The following CSMD1 variants were observed in gnomAD, a reference collection of about 807,000 sequenced individuals.
The protein encoded by CSMD1 is CUB and Sushi multiple domains 1.
Under a neutral mutation model 417.5 loss-of-function variants are expected in CSMD1, and 213 were observed. That is an observed-to-expected ratio of 0.51 (90% confidence interval 0.46 to 0.57). The LOEUF (loss-of-function observed/expected upper bound fraction) is 0.57, where lower values mean the gene tolerates loss of function less well. CSMD1 is among the 20% of genes least tolerant of loss of function. CSMD1 has a pLI of 0.00. For missense variants in CSMD1, 6,923 were observed against 4,529.7 expected (o/e 1.53, Z -15.17); for synonymous variants, 2,862 against 1,736.8 (o/e 1.65, Z -16.11).
At chr8:4,042,335 G>A (rs1023141572) in intron 3 of CSMD1, among the ~76,000 whole-genome samples, 2 of 152,236 alleles carry the variant, frequency 1.3e-5, no homozygotes, top group African/African-American at 2.4e-5. Flanking sequence ...AGATAAAGGG[G>A]CCAGGTGATG....
intron 2 of CSMD1, among the ~76,000 whole-genome samples, chr8:4,493,408 A>G (rs1310127786): frequency 6.6e-6 from 1 of 152,146 alleles, no homozygotes; most frequent in African/African-American, 2.4e-5. Context: ...TTCTAAAGCT[A>G]CTGATGGTCG....
At chr8:4,357,487 G>A (rs937779032) in intron 3 of CSMD1, among the ~76,000 whole-genome samples, 1 of 151,960 alleles carries the variant, frequency 6.6e-6, no homozygotes. Flanking sequence ...CACCAACATG[G>A]CATTACTTTA....
intron 27 of CSMD1, among the ~76,000 whole-genome samples, chr8:3,229,688 T>C (rs1461019843): frequency 2.6e-5 from 4 of 152,194 alleles, no homozygotes; most frequent in Non-Finnish European, 4.4e-5. Flanking sequence ...CTTAAGGGCA[T>C]GTTTCTATAT....
chr8:4,058,641 C>G (rs1415617452), intron 3 of CSMD1, among the ~76,000 whole-genome samples: 1 of 149,322 alleles, frequency 6.7e-6, no homozygotes, highest in African/African-American at 2.5e-5. Context: ...GGGTTGCAAT[C>G]CTAGTCTCTG....
intron 33 of CSMD1, among the ~76,000 whole-genome samples, chr8:3,192,339 T>G (rs1302179374): frequency 6.6e-6 from 1 of 152,204 alleles, no homozygotes; most frequent in Non-Finnish European, 1.5e-5. Flanking sequence ...TGTTGGAATA[T>G]TTGCATAAAC....
intron 2 of CSMD1, among the ~76,000 whole-genome samples, chr8:4,445,799 G>T (rs73660833): frequency 6.6e-6 from 1 of 152,200 alleles, no homozygotes; most frequent in African/African-American, 2.4e-5. Flanking sequence ...GTCAGAAATA[G>T]ATGATTAACG....
chr8:4,543,789 C>T (rs1483254063), intron 2 of CSMD1, among the ~76,000 whole-genome samples: 1 of 151,302 alleles, frequency 6.6e-6, no homozygotes, highest in Non-Finnish European at 1.5e-5. Flanking sequence ...ATATTCTCAC[C>T]AGCATTTGAT....
chr8:4,749,365 A>G (rs986808103), intron 1 of CSMD1, among the ~76,000 whole-genome samples: 2 of 152,268 alleles, frequency 1.3e-5, no homozygotes, highest in African/African-American at 4.8e-5. Context: ...AATGTTCAGC[A>G]TAGTTGCTAA....
intron 5 of CSMD1, among the ~76,000 whole-genome samples, chr8:3,994,110 G>A (rs1412548637): frequency 6.6e-6 from 1 of 152,204 alleles, no homozygotes; most frequent in Non-Finnish European, 1.5e-5. Context: ...CTGAAGCTCA[G>A]TCATGGAAGT....
At chr8:4,096,336 A>T (rs1320418355) in intron 3 of CSMD1, among the ~76,000 whole-genome samples, 1 of 151,568 alleles carries the variant, frequency 6.6e-6, no homozygotes. Flanking sequence ...ACCCAGAAAT[A>T]GGACAGCTTG....
intron 7 of CSMD1, among the ~76,000 whole-genome samples, chr8:3,621,189 T>C (rs1365962644): frequency 6.6e-6 from 1 of 152,188 alleles, no homozygotes; most frequent in African/African-American, 2.4e-5. Flanking sequence ...TGAATTTCTG[T>C]TGTTTAAGCC....
chr8:4,292,665 C>A (rs1322764857), intron 3 of CSMD1, among the ~76,000 whole-genome samples: 2 of 152,108 alleles, frequency 1.3e-5, no homozygotes, highest in Admixed American at 6.6e-5. Flanking sequence ...TGTTTCTATA[C>A]ATGAAAATAT....
chr8:4,861,361 A>C (rs1802119766), intron 1 of CSMD1, among the ~76,000 whole-genome samples: 1 of 152,126 alleles, frequency 6.6e-6, no homozygotes, highest in African/African-American at 2.4e-5. Flanking sequence ...TTATGGGTTC[A>C]ATAGTTCCTT....
At chr8:4,834,593 GAAC>G (rs928091909) in intron 1 of CSMD1, among the ~76,000 whole-genome samples, 10 of 151,972 alleles carry the variant, frequency 6.6e-5, no homozygotes, top group Admixed American at 2.0e-4. Flanking sequence ...AAAAGAATGA[GAAC>G]AACGTGGTCC....
In CSMD1 at chr8:3,887,189, C is replaced by T. The variant is rs138870226; in HGVS notation, c.818+110714G>A. 1.5e-3 allele frequency among the ~76,000 whole-genome samples: 235 copies of T among 152,194 alleles called. 1 individual carries two copies. Among genetic ancestry groups the T allele is most frequent in the African/African-American group, 4.1e-3 (170 of 41,530 alleles). ...TATTCCAGCTGCTGAAGTGTTCAAG[C>T]GCCCAGAGGCAATCAGCGTCAACAA... is the stretch of plus-strand genomic sequence containing the variant. On this transcript the variant is annotated intron_variant, in intron 5 of 69. Transcript: ENST00000635120.
intron 3 of CSMD1, among the ~76,000 whole-genome samples, chr8:4,283,292 T>A (rs1395252433): frequency 6.6e-6 from 1 of 152,216 alleles, no homozygotes; most frequent in African/African-American, 2.4e-5. Context: ...TCTGTGACAT[T>A]TGATTTTGTT....
intron 3 of CSMD1, among the ~76,000 whole-genome samples, chr8:4,075,930 T>C (rs1037712463): frequency 3.3e-5 from 5 of 152,188 alleles, no homozygotes; most frequent in African/African-American, 4.8e-5. Flanking sequence ...TTATATATAC[T>C]AAGAAAATAA....
chr8:3,944,299 G>T (rs1402930783), intron 5 of CSMD1, among the ~76,000 whole-genome samples: 1 of 152,078 alleles, frequency 6.6e-6, no homozygotes, highest in Non-Finnish European at 1.5e-5. Flanking sequence ...GTCAGTTTGA[G>T]CCCCGGATAA....
At chr8:3,461,618 AAGCTATCCC>A (rs1361939451) in intron 12 of CSMD1, among the ~76,000 whole-genome samples, 1 of 152,166 alleles carries the variant, frequency 6.6e-6, no homozygotes, top group Non-Finnish European at 1.5e-5. Flanking sequence ...ATGAAACTGT[AAGCTATCCC>A]TGTGGCCCAG....
Sources: gnomAD v4.1 joint callset for allele counts (sites outside exome capture counted in the v4.1 genomes callset) on GRCh38, gnomAD v4.1.1 for gene constraint, MANE v1.5 for transcripts, NCBI Gene and HGNC (gene_info 2026-07-23, HGNC 2026-07-21) for gene names.